SHB: variants seen among roughly 807,000 people sequenced by gnomAD.
SHB encodes the protein SH2 domain-containing adapter protein B.
SHB carries 20 observed loss-of-function variants against 52.3 expected under a neutral mutation model. The observed-to-expected ratio is 0.38, with a 90% CI of 0.27 to 0.56. The LOEUF (loss-of-function observed/expected upper bound fraction) is 0.56. Among genes scored for constraint, SHB ranks in the 20% least tolerant of loss-of-function variants. SHB has a pLI of 0.71. For synonymous variants in SHB, 397 were observed against 316.5 expected (o/e 1.25, Z -2.70); for missense variants, 825 against 723.3 (o/e 1.14, Z -1.61).
At chr9:38,004,533 C>A (rs917994214) in intron 2 of SHB, among the ~76,000 whole-genome samples, 9 of 152,296 alleles carry the variant, frequency 5.9e-5, no homozygotes, top group African/African-American at 1.4e-4. Flanking sequence ...GAGGCTAGAG[C>A]TGAAGGCAGG....
intron 2 of SHB, among the ~76,000 whole-genome samples, chr9:38,000,680 G>A (rs942595650): frequency 9.9e-5 from 15 of 152,212 alleles, no homozygotes; most frequent in Admixed American, 3.3e-4. Flanking sequence ...AGTCTTTGGG[G>A]GCTGCTCCTC....
rs74358423 is a variant in SHB at position 38,033,226 on chromosome 9, C to T, written c.718-17095G>A. Among the ~76,000 whole-genome samples the T allele has an allele frequency of 7.0e-3, 1,066 of 152,278 alleles. 6 individuals are homozygous for T. The highest frequency in any genetic ancestry group is 0.013 in the Non-Finnish European group (869 of 68,024). On this transcript the variant is annotated intron_variant, in intron 1 of 5. Coordinates refer to ENST00000377707, the MANE Select transcript of SHB (RefSeq NM_003028.3). Reference sequence around the variant, plus strand: ...AAAGCAGGTGCTGGCTCCAATGGGGCATCTGGGAATAATTTAAAGCCTATG... The same window carrying T: ...AAAGCAGGTGCTGGCTCCAATGGGGTATCTGGGAATAATTTAAAGCCTATG...
At chr9:38,021,820 A>G (rs1467239057) in intron 1 of SHB, among the ~76,000 whole-genome samples, 1 of 152,134 alleles carries the variant, frequency 6.6e-6, no homozygotes, top group African/African-American at 2.4e-5. Context: ...ACCACACTGC[A>G]TTTTTAGACA....
intron 2 of SHB, among the ~76,000 whole-genome samples, chr9:37,982,473 A>G (rs1419602256): frequency 2.6e-5 from 4 of 152,042 alleles, no homozygotes; most frequent in Non-Finnish European, 5.9e-5. Flanking sequence ...AGCCGGGGCA[A>G]AAGAGCAAAA....
At chr9:37,948,511 A>G in intron 5 of SHB, 124 bp downstream of exon 5, 9 of 1,196,418 alleles carry the variant, frequency 7.5e-6, no homozygotes, top group Non-Finnish European at 1.1e-5. Flanking sequence ...ACCCAGGCCT[A>G]AAATAACGTG....
At chr9:38,007,303 T>C (rs564655417) in intron 2 of SHB, among the ~76,000 whole-genome samples, 2 of 152,366 alleles carry the variant, frequency 1.3e-5, no homozygotes, top group South Asian at 2.1e-4. Flanking sequence ...CCTATACTCA[T>C]TCATGCAATC....
At chr9:37,971,782 G>A (rs1564091451) in intron 3 of SHB, among the ~76,000 whole-genome samples, 1 of 152,226 alleles carries the variant, frequency 6.6e-6, no homozygotes, top group Admixed American at 6.5e-5. Flanking sequence ...AACTCATTCT[G>A]AGACAGTTCC....
chr9:38,044,092 G>A (rs1022751514), intron 1 of SHB, among the ~76,000 whole-genome samples: 2 of 152,184 alleles, frequency 1.3e-5, no homozygotes, highest in South Asian at 2.1e-4. Flanking sequence ...TTACAGGGAG[G>A]AGGCCGGTGG....
intron 2 of SHB, among the ~76,000 whole-genome samples, chr9:37,992,951 T>C (rs1019121990): frequency 2.6e-5 from 4 of 152,118 alleles, no homozygotes; most frequent in Non-Finnish European, 5.9e-5. Flanking sequence ...CCTGAGAACA[T>C]GCCCCCAACA....
intron 1 of SHB, among the ~76,000 whole-genome samples, chr9:38,033,156 T>C (rs1338658588): frequency 6.6e-6 from 1 of 152,170 alleles, no homozygotes; most frequent in African/African-American, 2.4e-5. Context: ...TCTAAGGAGA[T>C]GAGGCGGCCC....
In SHB at chr9:37,948,696, C is replaced by G. The variant is rs1284715731; in HGVS notation, c.1285G>C (p.Glu429Gln). Residue 429 changes from glutamate to glutamine, a missense_variant, in exon 5 of 6, where the codon GAG becomes CAG. By Grantham distance (29) the Glu-to-Gln change is conservative. Transcript: ENST00000377707. ...CTGTTCCGGACAAGGTAGCTACACT[C>G]CTTGCAGAGTCGCAGCAGGTTCTCG... ...DAENLLRLCK[E>Q]CSYLVRNSQT... 6.2e-7 allele frequency: 1 copy of G among 1,614,004 alleles called. No individual in the cohort carries two copies. Among genetic ancestry groups the G allele is most frequent in the African/African-American group, 1.3e-5 (1 of 75,040 alleles).
At chr9:37,990,216 A>G (rs1454103143) in intron 2 of SHB, among the ~76,000 whole-genome samples, 1 of 28,770 alleles carries the variant, frequency 3.5e-5, no homozygotes, top group Non-Finnish European at 6.3e-5. Flanking sequence ...GCCTCTGTTC[A>G]GTTTAGAGCA....
At chr9:37,956,946 T>C (rs1424692752) in intron 3 of SHB, among the ~76,000 whole-genome samples, 1 of 152,198 alleles carries the variant, frequency 6.6e-6, no homozygotes, top group East Asian at 1.9e-4. Context: ...AAATCACACT[T>C]ATTGTGTCTG....
chr9:38,041,284 C>T (rs1821571904), intron 1 of SHB, among the ~76,000 whole-genome samples: 1 of 152,222 alleles, frequency 6.6e-6, no homozygotes, highest in Admixed American at 6.5e-5. Context: ...TAACCATGCA[C>T]ACGCACCGGT....
At chr9:37,950,302 A>T (rs1393797186) in intron 4 of SHB, among the ~76,000 whole-genome samples, 1 of 146,974 alleles carries the variant, frequency 6.8e-6, no homozygotes, top group Non-Finnish European at 1.5e-5. Flanking sequence ...TTTTCACTTT[A>T]TTGCCCTGAC....
In SHB at chr9:38,016,049, C is replaced by A. The variant is rs1279085866; in HGVS notation, c.800G>T (p.Gly267Val). The A allele has an allele frequency of 6.2e-7, 1 of 1,614,178 alleles. No homozygotes were observed. The highest frequency in any genetic ancestry group is 8.5e-7 in the Non-Finnish European group (1 of 1,180,002). The change falls in exon 2 of 6, where the codon GGC becomes GTC. Residue 267 changes from glycine to valine, a missense_variant. By Grantham distance (109) the Gly-to-Val change is moderately radical (BLOSUM62 -3). Transcript: ENST00000377707. ...KSKAGKGESA[G>V]YMEPYEAQRI... Reference sequence around the variant, plus strand: ...CTGTGCCTCATAGGGCTCCATGTAGCCAGCACTCTCCCCCTTTCCTGCTTT... The same window carrying A: ...CTGTGCCTCATAGGGCTCCATGTAGACAGCACTCTCCCCCTTTCCTGCTTT...
chr9:37,959,028 T>C (rs1832666288), intron 3 of SHB, among the ~76,000 whole-genome samples: 1 of 152,078 alleles, frequency 6.6e-6, no homozygotes, highest in African/African-American at 2.4e-5. Flanking sequence ...CTTGAACTTA[T>C]AGATGGGGAT....
chr9:37,918,884 T>C lies in SHB; in HGVS notation c.*937A>G, dbSNP rs1832138784. Reference sequence around the variant, plus strand: ...ACTGGAGGCTCCTGACTATGTCCACTGCTGAAGCCTGAACTCTGAGCTCTG... The same window carrying C: ...ACTGGAGGCTCCTGACTATGTCCACCGCTGAAGCCTGAACTCTGAGCTCTG... On this transcript the variant is annotated 3_prime_UTR_variant, in exon 6 of 6. Transcript: ENST00000377707. Among the ~76,000 whole-genome samples the C allele has an allele frequency of 6.6e-6, 1 of 152,196 alleles. No homozygotes were observed. The highest frequency in any genetic ancestry group is 1.9e-4 in the East Asian group (1 of 5,172).
chr9:37,936,415 C>T (rs376310620), intron 5 of SHB, among the ~76,000 whole-genome samples: 10 of 152,248 alleles, frequency 6.6e-5, no homozygotes, highest in East Asian at 5.8e-4. Context: ...ATACGGCTAC[C>T]GACTGGGCTG....
Sources: allele counts gnomAD v4.1 joint callset (sites outside exome capture counted in the v4.1 genomes callset), GRCh38; gene constraint gnomAD v4.1.1; transcripts MANE v1.5; gene names NCBI Gene and HGNC (gene_info 2026-07-23, HGNC 2026-07-21).